Variants in STXBP6 observed in about 807,000 individuals in gnomAD.
The protein encoded by STXBP6 is syntaxin-binding protein 6.
Under a neutral mutation model 26.9 loss-of-function variants are expected in STXBP6, and 21 were observed. That is an observed-to-expected ratio of 0.78 (90% confidence interval 0.55 to 1.12). STXBP6 has a LOEUF of 1.12. Ranked by LOEUF, STXBP6 falls within the 50% of genes most tolerant of loss-of-function variation. The pLI, the probability that STXBP6 is intolerant of heterozygous loss-of-function variation, is 0.00. For missense variants in STXBP6, 232 were observed against 257.9 expected (o/e 0.90, Z 0.69); for synonymous variants, 97 against 92.6 (o/e 1.05, Z -0.27).
chr14:24,880,025 C>T (rs973573745), intron 2 of STXBP6, among the ~76,000 whole-genome samples: 10 of 152,126 alleles, frequency 6.6e-5, no homozygotes, highest in Middle Eastern at 6.3e-3. Context: ...CCACTATGTT[C>T]GACAGTCATG....
At chr14:24,962,512 G>A (rs1018468618) in intron 2 of STXBP6, among the ~76,000 whole-genome samples, 9 of 151,764 alleles carry the variant, frequency 5.9e-5, no homozygotes, top group African/African-American at 2.2e-4. Flanking sequence ...GTATTTTAAT[G>A]AGATGGGGTT....
chr14:24,857,033 A>G lies in STXBP6; in HGVS notation c.279T>C (p.Pro93=), dbSNP rs201465759. The change falls in exon 3 of 6, where the codon CCT becomes CCC. Residue 93 remains proline, a synonymous_variant. Coordinates refer to ENST00000323944, the MANE Select transcript of STXBP6 (RefSeq NM_001394410.1). ...CATTGGACAATTCACTCACCCCATT[A>G]GGATCGATACCATTAACCTGGCGAA... The part of the protein sequence containing the change: ...EQLRQVNGID[P]NGDSAEFDLL... The G allele has an allele frequency of 3.1e-6, 5 of 1,612,712 alleles. No individual in the cohort carries two copies. The East Asian group carries it at 8.9e-5, about 29-fold the overall frequency.
At chr14:24,829,779 T>C (rs564359771) in intron 4 of STXBP6, among the ~76,000 whole-genome samples, 3 of 152,028 alleles carry the variant, frequency 2.0e-5, no homozygotes, top group South Asian at 4.2e-4. Flanking sequence ...TCCACACACA[T>C]TGTCCCCACC....
intron 1 of STXBP6, among the ~76,000 whole-genome samples, chr14:25,038,839 A>C (rs1486591601): frequency 6.6e-6 from 1 of 152,186 alleles, no homozygotes; most frequent in Non-Finnish European, 1.5e-5. Flanking sequence ...AAGAAAAAAA[A>C]ATAATGGTAG....
intron 2 of STXBP6, among the ~76,000 whole-genome samples, chr14:24,957,562 G>T (rs2073384702): frequency 6.6e-6 from 1 of 152,204 alleles, no homozygotes; most frequent in African/African-American, 2.4e-5. Context: ...CATGCCAGTA[G>T]AAGAATGCTT....
chr14:24,928,161 C>T (rs1470197309), intron 2 of STXBP6, among the ~76,000 whole-genome samples: 2 of 152,130 alleles, frequency 1.3e-5, no homozygotes, highest in Admixed American at 1.3e-4. Flanking sequence ...CCTTAGGAAA[C>T]CAGGCCTAAT....
intron 1 of STXBP6, among the ~76,000 whole-genome samples, chr14:25,032,184 A>C (rs1021531522): frequency 6.6e-6 from 1 of 152,174 alleles, no homozygotes; most frequent in Non-Finnish European, 1.5e-5. Flanking sequence ...CCGCGAAGGC[A>C]TTCTATTCTG....
chr14:24,920,286 T>C (rs1045192689), intron 2 of STXBP6, among the ~76,000 whole-genome samples: 1 of 152,096 alleles, frequency 6.6e-6, no homozygotes, highest in Non-Finnish European at 1.5e-5. Flanking sequence ...AAAGGTGTGT[T>C]AGATATGGCC....
rs371901934 is a variant in STXBP6 at position 25,013,724 on chromosome 14, AT to A, written c.-33+36153del. ...CCAGTGGGAAAAATTTACAGAATAAATGATCCCATTTGACAAAAAAAAAAAA... is the reference window on the plus strand; with the variant it reads ...CCAGTGGGAAAAATTTACAGAATAAAGATCCCATTTGACAAAAAAAAAAAA... On this transcript the variant is annotated intron_variant, in intron 1 of 5. Coordinates refer to ENST00000323944, the MANE Select transcript of STXBP6 (RefSeq NM_001394410.1). 2.9e-4 allele frequency among the ~76,000 whole-genome samples: 44 copies of A among 151,154 alleles called. 1 individual carries two copies. The highest frequency in any genetic ancestry group is 1.1e-3 in the African/African-American group (43 of 40,924).
chr14:24,823,843 CA>C (rs1419483982), intron 4 of STXBP6, among the ~76,000 whole-genome samples: 20 of 152,152 alleles, frequency 1.3e-4, no homozygotes, highest in African/African-American at 4.8e-4. Context: ...TTCTAACAAA[CA>C]CAAAAATTGG....
chr14:24,999,430 CCAA>C (rs1262675824), intron 1 of STXBP6, among the ~76,000 whole-genome samples: 1 of 151,932 alleles, frequency 6.6e-6, no homozygotes, highest in African/African-American at 2.4e-5. Context: ...TTCATTCAAA[CCAA>C]CAACATGTAT....
chr14:24,963,437 A>C (rs1343163375), intron 2 of STXBP6, among the ~76,000 whole-genome samples: 1 of 152,232 alleles, frequency 6.6e-6, no homozygotes, highest in Non-Finnish European at 1.5e-5. Context: ...GTCAAAATGC[A>C]GTGTAGCGTA....
chr14:24,972,200 A>G (rs1328479203), intron 2 of STXBP6, among the ~76,000 whole-genome samples: 2 of 152,122 alleles, frequency 1.3e-5, no homozygotes, highest in Non-Finnish European at 2.9e-5. Flanking sequence ...CTGAAGAACA[A>G]AAGATTTTCC....
At chr14:24,940,362 C>G (rs1156792617) in intron 2 of STXBP6, among the ~76,000 whole-genome samples, 5 of 152,190 alleles carry the variant, frequency 3.3e-5, no homozygotes, top group African/African-American at 1.2e-4. Flanking sequence ...AGAATTGTGA[C>G]TATACAAATT....
intron 2 of STXBP6, among the ~76,000 whole-genome samples, chr14:24,939,337 A>C (rs188527697): frequency 2.6e-5 from 4 of 152,208 alleles, no homozygotes; most frequent in African/African-American, 9.7e-5. Context: ...CTCCAACCCT[A>C]TATCTGTTAG....
At chr14:24,879,657 C>A (rs779860179) in intron 2 of STXBP6, among the ~76,000 whole-genome samples, 2 of 152,182 alleles carry the variant, frequency 1.3e-5, no homozygotes, top group Non-Finnish European at 2.9e-5. Context: ...AGGAGACAAA[C>A]AAGTTGACAG....
intron 1 of STXBP6, among the ~76,000 whole-genome samples, chr14:25,009,655 A>G (rs1474071729): frequency 6.6e-6 from 1 of 152,160 alleles, no homozygotes; most frequent in East Asian, 1.9e-4. Context: ...CTGCACTAAG[A>G]GATCCAGGTT....
intron 2 of STXBP6, among the ~76,000 whole-genome samples, chr14:24,961,532 G>A (rs900044804): frequency 6.6e-6 from 1 of 151,590 alleles, no homozygotes; most frequent in Non-Finnish European, 1.5e-5. Context: ...TCTAAGTGAA[G>A]TAACTCAGAA....
chr14:25,028,501 T>TTCA (rs544017495), intron 1 of STXBP6, among the ~76,000 whole-genome samples: 106 of 152,036 alleles, frequency 7.0e-4, no homozygotes, highest in South Asian at 4.6e-3. Flanking sequence ...TGAGACTGAC[T>TTCA]GCTCAGAAAA....
Sources: gnomAD v4.1 joint callset for allele counts (sites outside exome capture counted in the v4.1 genomes callset) on GRCh38, gnomAD v4.1.1 for gene constraint, MANE v1.5 for transcripts, NCBI Gene and HGNC (gene_info 2026-07-23, HGNC 2026-07-21) for gene names.